PAK3: variants seen among roughly 807,000 people sequenced by gnomAD.
The protein encoded by PAK3 is p21 (RAC1) activated kinase 3, also known as serine/threonine-protein kinase PAK 3.
A neutral mutation model predicts 41.0 loss-of-function variants in PAK3; 4 were observed. The ratio of observed to expected loss-of-function variants is 0.10; its 90% CI spans 0.05 to 0.22. PAK3 has a LOEUF of 0.22. Among genes scored for constraint, PAK3 ranks in the 10% least tolerant of loss-of-function variants. The pLI is 1.00. For missense variants in PAK3, 205 were observed against 409.9 expected, an observed-to-expected ratio of 0.50 and a Z score of 4.32; for synonymous variants, 146 against 139.6, an observed-to-expected ratio of 1.05 and a Z score of -0.32.
chrX:111,164,467 G>C (rs1283537024), intron 10 of PAK3, among the ~76,000 whole-genome samples: 1 of 111,012 alleles, frequency 9.0e-6, no homozygotes, highest in Non-Finnish European at 1.9e-5. Flanking sequence ...CAGCTCAAAA[G>C]TTGCCTCCTC....
At chrX:110,992,932 G>A (rs920404418) in intron 1 of PAK3, among the ~76,000 whole-genome samples, 3 of 111,460 alleles carry the variant, frequency 2.7e-5, no homozygotes, top group Non-Finnish European at 5.6e-5. Flanking sequence ...TCCTTTACAG[G>A]CCCTATTGTC....
intron 4 of PAK3, among the ~76,000 whole-genome samples, chrX:111,104,101 A>G (rs754001308): frequency 8.1e-5 from 9 of 111,614 alleles, no homozygotes; most frequent in Non-Finnish European, 1.5e-4. Context: ...CATTTCTTTC[A>G]GGTTTCATGG....
chrX:111,161,037 C>A (rs1156537350), intron 8 of PAK3, among the ~76,000 whole-genome samples: 1 of 111,466 alleles, frequency 9.0e-6, no homozygotes, highest in Admixed American at 9.5e-5. Flanking sequence ...TGAGGAATCA[C>A]CACACTGACT....
At chrX:111,014,277 C>T (rs930566297) in intron 1 of PAK3, among the ~76,000 whole-genome samples, 4 of 111,602 alleles carry the variant, frequency 3.6e-5, no homozygotes, top group African/African-American at 1.3e-4. Flanking sequence ...GTTCAAAGTC[C>T]ATTTGTTCAT....
chrX:110,962,802 G>A (rs2091006658), intron 1 of PAK3, among the ~76,000 whole-genome samples: 1 of 112,835 alleles, frequency 8.9e-6, no homozygotes, highest in Non-Finnish European at 1.9e-5. Context: ...TGCTATTGAT[G>A]TTGACCTTCA....
chrX:111,183,148 G>A (rs1031113461), intron 11 of PAK3, among the ~76,000 whole-genome samples: 7 of 111,558 alleles, frequency 6.3e-5, no homozygotes, highest in Non-Finnish European at 1.3e-4. Context: ...AAGCTCAGCT[G>A]CTGATTGTGC....
intron 1 of PAK3, among the ~76,000 whole-genome samples, chrX:111,074,923 G>A (rs989179510): frequency 8.1e-5 from 9 of 111,633 alleles, no homozygotes; most frequent in Admixed American, 6.6e-4. Context: ...TCATGCCCTA[G>A]GGGTCTGTGT....
intron 1 of PAK3, among the ~76,000 whole-genome samples, chrX:111,050,332 A>G (rs1230199042): frequency 9.0e-6 from 1 of 111,696 alleles, no homozygotes; most frequent in Non-Finnish European, 1.9e-5. Context: ...GAATGCCTCT[A>G]AAAGATTTTG....
intron 8 of PAK3, among the ~76,000 whole-genome samples, chrX:111,160,906 A>G (rs1361713477): frequency 3.6e-5 from 4 of 112,565 alleles, no homozygotes; most frequent in Non-Finnish European, 7.5e-5. Flanking sequence ...TGCTATTGTG[A>G]ATAGTGCCAC....
At chrX:111,022,787 G>T (rs746399390) in intron 1 of PAK3, among the ~76,000 whole-genome samples, 5 of 111,235 alleles carry the variant, frequency 4.5e-5, no homozygotes, top group African/African-American at 1.6e-4. Flanking sequence ...GCTGTCTTCA[G>T]GAGACTCACC....
At chrX:111,041,274 TGAG>T (rs1309196922) in intron 1 of PAK3, among the ~76,000 whole-genome samples, 1 of 112,378 alleles carries the variant, frequency 8.9e-6, no homozygotes, top group Non-Finnish European at 1.9e-5. Context: ...TGGGAAGGGA[TGAG>T]GAGAAGAGAG....
At chrX:111,019,328 C>T (rs1219298886) in intron 1 of PAK3, among the ~76,000 whole-genome samples, 4 of 110,160 alleles carry the variant, frequency 3.6e-5, no homozygotes, top group South Asian at 3.9e-4. Flanking sequence ...AAAGTATTTG[C>T]AAATCCTATA....
At chrX:111,081,515 T>C (rs772017488) in intron 1 of PAK3, among the ~76,000 whole-genome samples, 19 of 110,025 alleles carry the variant, frequency 1.7e-4, no homozygotes, top group African/African-American at 5.0e-4. Context: ...AGGGTCTCAA[T>C]AGCAAGAGAA....
At chrX:111,076,680 A>G (rs1043268201) in intron 1 of PAK3, among the ~76,000 whole-genome samples, 5 of 112,018 alleles carry the variant, frequency 4.5e-5, no homozygotes, top group African/African-American at 1.6e-4. Flanking sequence ...ATTCAACACA[A>G]TGAAGGTCAT....
intron 1 of PAK3, among the ~76,000 whole-genome samples, chrX:110,972,435 C>T (rs1198404264): frequency 8.9e-6 from 1 of 111,898 alleles, no homozygotes; most frequent in Non-Finnish European, 1.9e-5. Flanking sequence ...CGGAGTGGAT[C>T]TTCAGCGAAC....
chrX:111,152,056 C>T (rs2094035992), intron 7 of PAK3, among the ~76,000 whole-genome samples: 1 of 112,258 alleles, frequency 8.9e-6, no homozygotes, highest in South Asian at 3.7e-4. Flanking sequence ...CAGTTGACCA[C>T]AGGTAGCTGA....
intron 1 of PAK3, among the ~76,000 whole-genome samples, chrX:110,946,065 G>T (rs1453253984): frequency 9.0e-6 from 1 of 111,591 alleles, no homozygotes; most frequent in Non-Finnish European, 1.9e-5. Flanking sequence ...AGTAAAGTAT[G>T]ACAAGGGGCA....
chrX:111,062,762 C>T (rs2148811461), intron 1 of PAK3, among the ~76,000 whole-genome samples: 1 of 111,210 alleles, frequency 9.0e-6, no homozygotes, highest in South Asian at 3.8e-4. Context: ...CAATTAGGAA[C>T]AGAAGAGGAT....
At chrX:110,970,187 G>A (rs1177341480) in intron 1 of PAK3, among the ~76,000 whole-genome samples, 3 of 111,522 alleles carry the variant, frequency 2.7e-5, no homozygotes, top group Non-Finnish European at 5.7e-5. Flanking sequence ...GATGTTTGTT[G>A]GCCACATAAA....
Sources: allele counts gnomAD v4.1 joint callset (sites outside exome capture counted in the v4.1 genomes callset), GRCh38; gene constraint gnomAD v4.1.1; transcripts MANE v1.5; gene names NCBI Gene and HGNC (gene_info 2026-07-23, HGNC 2026-07-21).